The following AGBL1 variants were observed in gnomAD, a reference collection of about 807,000 sequenced individuals.
The protein encoded by AGBL1 is cytosolic carboxypeptidase 4.
In AGBL1, 130 loss-of-function variants were observed where a neutral mutation model predicts 118.9. The ratio of observed to expected loss-of-function variants is 1.09; its 90% CI spans 0.95 to 1.26. The LOEUF is 1.26. Among genes scored for constraint, AGBL1 ranks in the 50% most tolerant of loss-of-function variants. AGBL1 has a pLI of 0.00. For missense variants in AGBL1, 1,584 were observed against 1,298.1 expected (o/e 1.22, Z -3.38); for synonymous variants, 555 against 478.9 (o/e 1.16, Z -2.08).
At chr15:86,188,429 C>T (rs2077667184) in intron 5 of AGBL1, among the ~76,000 whole-genome samples, 1 of 152,152 alleles carries the variant, frequency 6.6e-6, no homozygotes, top group African/African-American at 2.4e-5. Context: ...TGTTGATAAT[C>T]TTGTCCAAAT....
At chr15:86,271,387 C>A (rs2079159351) in intron 14 of AGBL1, among the ~76,000 whole-genome samples, 1 of 152,072 alleles carries the variant, frequency 6.6e-6, no homozygotes. Flanking sequence ...TATAGTCAAA[C>A]CTCCCTCTAC....
chr15:86,375,667 A>C lies in AGBL1; in HGVS notation c.2375-21699A>C, dbSNP rs527903457. Among the ~76,000 whole-genome samples, 55 of 152,268 alleles carry C rather than the reference A, an allele frequency of 3.6e-4. No homozygotes were observed. The South Asian group carries it at 0.011, about 30-fold the overall frequency. ...GCAAAAAAGGTACTCGGCTGTGCTG[A>C]CCACATGAGCAAGTACATGCAGGGA... On this transcript the variant is annotated intron_variant, in intron 17 of 22. Transcript: ENST00000614907.
At chr15:86,323,511 C>G (rs1311034982) in intron 17 of AGBL1, among the ~76,000 whole-genome samples, 1 of 152,072 alleles carries the variant, frequency 6.6e-6, no homozygotes, top group Non-Finnish European at 1.5e-5. Context: ...AATGGTCCAT[C>G]CACTATCAGG....
chr15:86,593,600 A>G (rs983161917), intron 21 of AGBL1, among the ~76,000 whole-genome samples: 1 of 152,214 alleles, frequency 6.6e-6, no homozygotes, highest in Non-Finnish European at 1.5e-5. Flanking sequence ...TGTTATATCA[A>G]CTTCGCTGGC....
chr15:86,427,009 G>T (rs1596101294), intron 18 of AGBL1, among the ~76,000 whole-genome samples: 1 of 152,010 alleles, frequency 6.6e-6, no homozygotes, highest in Admixed American at 6.5e-5. Flanking sequence ...CAGGTGATCC[G>T]CCTGCCTCGG....
chr15:86,443,809 A>T (rs1283968190), intron 18 of AGBL1, among the ~76,000 whole-genome samples: 2 of 152,164 alleles, frequency 1.3e-5, no homozygotes, highest in East Asian at 1.9e-4. Context: ...ATAGTATTCC[A>T]TTGCATATAT....
chr15:86,135,817 G>C (rs547601900), intron 1 of AGBL1, among the ~76,000 whole-genome samples: 3 of 152,298 alleles, frequency 2.0e-5, no homozygotes, highest in African/African-American at 7.2e-5. Context: ...CTAGCGTCCA[G>C]ATTGATTTGA....
chr15:86,995,512 G>A (rs2081371925), intron 24 of AGBL1, among the ~76,000 whole-genome samples: 1 of 152,132 alleles, frequency 6.6e-6, no homozygotes, highest in Admixed American at 6.5e-5. Flanking sequence ...TGAAACTTCT[G>A]GGGCGAAAGT....
At chr15:86,853,454 G>C (rs1269587944) in intron 22 of AGBL1, among the ~76,000 whole-genome samples, 1 of 152,100 alleles carries the variant, frequency 6.6e-6, no homozygotes. Flanking sequence ...TTAGGAAGTA[G>C]AGAATATTAT....
At chr15:86,561,168 T>C (rs979114730) in intron 21 of AGBL1, among the ~76,000 whole-genome samples, 3 of 152,236 alleles carry the variant, frequency 2.0e-5, no homozygotes, top group Non-Finnish European at 4.4e-5. Context: ...ATTTTGGCTT[T>C]TGTTGCCATT....
intron 23 of AGBL1, among the ~76,000 whole-genome samples, chr15:86,959,619 A>G (rs1214870133): frequency 2.6e-5 from 4 of 152,062 alleles, no homozygotes; most frequent in Admixed American, 6.6e-5. Context: ...TAAGCTCCCT[A>G]TTTCAGATAA....
At chr15:86,542,049 A>G (rs1039425470) in intron 19 of AGBL1, among the ~76,000 whole-genome samples, 1 of 152,204 alleles carries the variant, frequency 6.6e-6, no homozygotes, top group Admixed American at 6.5e-5. Context: ...TCTAAATTTA[A>G]TGTGTTAGCT....
intron 24 of AGBL1, among the ~76,000 whole-genome samples, chr15:87,018,512 A>T (rs2081630243): frequency 6.6e-6 from 1 of 152,162 alleles, no homozygotes; most frequent in East Asian, 1.9e-4. Flanking sequence ...GGCCAAACTA[A>T]GCTTCATAAG....
chr15:86,209,806 C>A (rs576383366), intron 5 of AGBL1, among the ~76,000 whole-genome samples: 1 of 152,198 alleles, frequency 6.6e-6, no homozygotes, highest in Admixed American at 6.5e-5. Context: ...GGCATTTAGC[C>A]CATTTACATT....
chr15:87,011,766 A>G (rs947081684), intron 24 of AGBL1, among the ~76,000 whole-genome samples: 3 of 152,220 alleles, frequency 2.0e-5, no homozygotes, highest in African/African-American at 7.2e-5. Context: ...GGAGCTCAAA[A>G]TTTAAACTTG....
At chr15:86,202,999 G>A (rs914818655) in intron 5 of AGBL1, among the ~76,000 whole-genome samples, 2 of 152,108 alleles carry the variant, frequency 1.3e-5, no homozygotes, top group Admixed American at 6.5e-5. Flanking sequence ...CTGGAGGATT[G>A]CATGAGCCCA....
At chr15:86,274,992 T>A (rs1181992589) in intron 15 of AGBL1, among the ~76,000 whole-genome samples, 1 of 151,634 alleles carries the variant, frequency 6.6e-6, no homozygotes, top group Non-Finnish European at 1.5e-5. Context: ...AAAATGCCCC[T>A]CGAGAGGGAG....
At chr15:86,923,398 C>T (rs1016479924) in intron 23 of AGBL1, among the ~76,000 whole-genome samples, 1 of 152,162 alleles carries the variant, frequency 6.6e-6, no homozygotes, top group Non-Finnish European at 1.5e-5. Context: ...GGCCTATTCC[C>T]CATCTCCTAA....
At chr15:86,821,779 C>T (rs1158558716) in intron 22 of AGBL1, among the ~76,000 whole-genome samples, 1 of 152,174 alleles carries the variant, frequency 6.6e-6, no homozygotes, top group Admixed American at 6.5e-5. Flanking sequence ...AATCAATCCT[C>T]TGAGGTAGTG....
Sources: gnomAD v4.1 joint callset for allele counts (sites outside exome capture counted in the v4.1 genomes callset) on GRCh38, gnomAD v4.1.1 for gene constraint, MANE v1.5 for transcripts, NCBI Gene and HGNC (gene_info 2026-07-23, HGNC 2026-07-21) for gene names.